The following WDR72 variants were observed in gnomAD, a reference collection of about 807,000 sequenced individuals.
WDR72 encodes WD repeat domain 72, also known as WD repeat-containing protein 72.
Under a neutral mutation model 124.2 loss-of-function variants are expected in WDR72, and 120 were observed. The observed-to-expected ratio is 0.97, with a 90% CI of 0.83 to 1.12. The LOEUF is 1.12. WDR72 is among the 50% of genes most tolerant of loss of function. The probability of loss-of-function intolerance (pLI) is 0.00; values close to 1 mark genes in which losing one functional copy is unlikely to be tolerated. For missense variants in WDR72, 1,387 were observed against 1,278.8 expected (o/e 1.08, Z -1.29); for synonymous variants, 452 against 441.7 (o/e 1.02, Z -0.29).
At chr15:53,617,995 A>G (rs1325532299) in intron 14 of WDR72, among the ~76,000 whole-genome samples, 5 of 151,888 alleles carry the variant, frequency 3.3e-5, no homozygotes, top group African/African-American at 9.7e-5. Context: ...CTTTATGACA[A>G]TTCATTGAGC....
intron 17 of WDR72, among the ~76,000 whole-genome samples, chr15:53,607,672 T>G (rs181368525): frequency 6.6e-6 from 1 of 152,056 alleles, no homozygotes; most frequent in Admixed American, 6.6e-5. Flanking sequence ...CACATCAAAT[T>G]TAAAAGCTTC....
intron 10 of WDR72, 58 bp from the exon 11 acceptor site, chr15:53,705,291 G>T: frequency 6.5e-7 from 1 of 1,548,768 alleles, no homozygotes; most frequent in Non-Finnish European, 8.8e-7. Flanking sequence ...CATAGACATG[G>T]AAAATATCAA....
At chr15:53,650,169 A>G (rs2015181280) in intron 14 of WDR72, among the ~76,000 whole-genome samples, 1 of 152,200 alleles carries the variant, frequency 6.6e-6, no homozygotes. Flanking sequence ...ACATATGCTA[A>G]GTGAAATAAG....
chr15:53,667,188 CA>C (rs923673314), intron 13 of WDR72, among the ~76,000 whole-genome samples: 21 of 151,708 alleles, frequency 1.4e-4, no homozygotes, highest in Middle Eastern at 3.2e-3. Flanking sequence ...GCCATCTCTA[CA>C]AAAAAACACA....
chr15:53,682,103 T>A (rs557112790), intron 13 of WDR72, among the ~76,000 whole-genome samples: 1 of 148,288 alleles, frequency 6.7e-6, no homozygotes, highest in African/African-American at 2.4e-5. Flanking sequence ...AATTTTACAA[T>A]GCACACCAGA....
Position 53,515,779 on chromosome 15 carries a change from T to TAAG in WDR72, c.*1917_*1919dup, listed in dbSNP as rs1369803393. On this transcript the variant is annotated 3_prime_UTR_variant, in exon 20 of 20. Coordinates refer to ENST00000360509, the MANE Select transcript of WDR72 (RefSeq NM_182758.4). ...TGGTTTCATTAGAACTGATAAATGC[T>TAAG]AAGTATGGCAACTATTAAAACCTAT... The TAAG allele has an allele frequency of 2.0e-5, 3 of 152,154 alleles. No homozygotes were observed. The South Asian group carries it at 6.2e-4, about 31-fold the overall frequency. The allele number at this position is 152,154 out of a possible 1,614,324, so 9.4% of individuals were successfully genotyped here.
intron 13 of WDR72, among the ~76,000 whole-genome samples, chr15:53,673,426 T>G (rs1165314371): frequency 6.6e-6 from 1 of 152,192 alleles, no homozygotes; most frequent in Non-Finnish European, 1.5e-5. Context: ...TTTATCATGT[T>G]GTACAGAAAC....
chr15:53,618,730 G>A lies in WDR72; in HGVS notation c.1963-2487C>T, dbSNP rs373549062. 4.6e-5 allele frequency among the ~76,000 whole-genome samples: 7 copies of A among 152,090 alleles called. 1 individual carries two copies. Among genetic ancestry groups the A allele is most frequent in the African/African-American group, 1.4e-4 (6 of 41,540 alleles). ...CTTTAATATTCCACTGCCTCGCTGTGATTCTTCTAGGTGTGGATGTTTTCC... is the reference window on the plus strand; with the variant it reads ...CTTTAATATTCCACTGCCTCGCTGTAATTCTTCTAGGTGTGGATGTTTTCC... On this transcript the variant is annotated intron_variant, in intron 14 of 19. Coordinates refer to ENST00000360509, the MANE Select transcript of WDR72 (RefSeq NM_182758.4).
chr15:53,572,585 G>T (rs1232168974), intron 18 of WDR72, among the ~76,000 whole-genome samples: 3 of 152,092 alleles, frequency 2.0e-5, no homozygotes, highest in Admixed American at 1.3e-4. Flanking sequence ...TTGATAAATT[G>T]GACTTCATTC....
At chr15:53,743,931 C>A (rs990690687) in intron 1 of WDR72, among the ~76,000 whole-genome samples, 2 of 150,576 alleles carry the variant, frequency 1.3e-5, no homozygotes, top group African/African-American at 4.9e-5. Flanking sequence ...GCTGAGATCG[C>A]GCCACTGCAG....
intron 13 of WDR72, among the ~76,000 whole-genome samples, chr15:53,674,059 T>C (rs2016082377): frequency 6.6e-6 from 1 of 152,140 alleles, no homozygotes; most frequent in South Asian, 2.1e-4. Context: ...TAGCAAATAA[T>C]TGTATTTAAA....
At chr15:53,537,115 C>G (rs1187558810) in intron 18 of WDR72, among the ~76,000 whole-genome samples, 1 of 152,164 alleles carries the variant, frequency 6.6e-6, no homozygotes, top group Non-Finnish European at 1.5e-5. Flanking sequence ...CTGAGCATGA[C>G]AGTCCCAGCT....
At chr15:53,578,738 AAAAC>A (rs145536735) in intron 18 of WDR72, among the ~76,000 whole-genome samples, 10,183 of 151,928 alleles carry the variant, frequency 0.067, 741 homozygotes, top group African/African-American at 0.19. Context: ...AATAAAACTT[AAAAC>A]AAACAAACAA....
chr15:53,518,240 G>C (rs550946452), intron 19 of WDR72, among the ~76,000 whole-genome samples: 43 of 152,116 alleles, frequency 2.8e-4, no homozygotes, highest in African/African-American at 1.0e-3. Context: ...TTGGATGATT[G>C]CCTTTGTAGG....
At chr15:53,681,492 T>C (rs749202618) in intron 13 of WDR72, among the ~76,000 whole-genome samples, 1 of 152,040 alleles carries the variant, frequency 6.6e-6, no homozygotes, top group African/African-American at 2.4e-5. Flanking sequence ...CATAACAAAC[T>C]ACTCAGCCAG....
intron 3 of WDR72, among the ~76,000 whole-genome samples, chr15:53,720,712 A>T (rs1299358545): frequency 2.0e-5 from 3 of 152,150 alleles, no homozygotes; most frequent in South Asian, 4.1e-4. Flanking sequence ...TGGTAAATAA[A>T]CTGCTTTTTC....
In WDR72 at chr15:53,541,008, G is replaced by C. The variant is rs190958056; in HGVS notation, c.3149-17686C>G. ...GAGGGTCCTACGCCCACGGAGTCTC[G>C]CTGATTGCTAGCACAGCAGTCTGAG... On this transcript the variant is annotated intron_variant, in intron 18 of 19. Coordinates refer to ENST00000360509, the MANE Select transcript of WDR72 (RefSeq NM_182758.4). 431 of 159,062 alleles carry C rather than the reference G, an allele frequency of 2.7e-3. 3 individuals are homozygous for C. Among genetic ancestry groups the C allele is most frequent in the South Asian group, 0.015 (77 of 5,164 alleles). 9.9% of individuals were successfully genotyped at this position (159,062 alleles called of 1,614,324 possible).
At chr15:53,611,304 A>T (rs1211714196) in intron 16 of WDR72, among the ~76,000 whole-genome samples, 1 of 152,124 alleles carries the variant, frequency 6.6e-6, no homozygotes, top group African/African-American at 2.4e-5. Flanking sequence ...AAATGCTATA[A>T]GTGCCAACCT....
At chr15:53,709,794 G>C (rs1290839759) in intron 9 of WDR72, among the ~76,000 whole-genome samples, 2 of 152,156 alleles carry the variant, frequency 1.3e-5, no homozygotes, top group African/African-American at 4.8e-5. Context: ...TCTTAATCAA[G>C]TTTTCACAAC....
Sources: gnomAD v4.1 joint callset for allele counts (sites outside exome capture counted in the v4.1 genomes callset) on GRCh38, gnomAD v4.1.1 for gene constraint, MANE v1.5 for transcripts, NCBI Gene and HGNC (gene_info 2026-07-23, HGNC 2026-07-21) for gene names.